ARHGAP27: variants seen among roughly 807,000 people sequenced by gnomAD.
ARHGAP27 encodes Rho GTPase activating protein 27.
Under a neutral mutation model 102.0 loss-of-function variants are expected in ARHGAP27, and 53 were observed. The observed-to-expected ratio is 0.52, with a 90% CI of 0.42 to 0.65. The LOEUF is 0.65. Ranked by LOEUF, ARHGAP27 falls within the 30% of genes least tolerant of loss-of-function variation. The pLI, the probability that ARHGAP27 is intolerant of heterozygous loss-of-function variation, is 0.00. For synonymous variants in ARHGAP27, 525 were observed against 542.8 expected (o/e 0.97, Z 0.46); for missense variants, 1,117 against 1,256.2 (o/e 0.89, Z 1.68).
rs2045478892 is a variant in ARHGAP27, at chr17:45,395,442, T to C, written c.*14A>G. 1 of 1,550,014 alleles carries C rather than the reference T, an allele frequency of 6.5e-7. No homozygotes were observed. The highest frequency in any genetic ancestry group is 1.2e-5 in the South Asian group (1 of 83,930). ...GGCAGGACCGCGGCCGCCGCCCCAGTCACAGGCCAGCAGTCAGTGCGGCGG... is the reference window on the plus strand; with the variant it reads ...GGCAGGACCGCGGCCGCCGCCCCAGCCACAGGCCAGCAGTCAGTGCGGCGG... On this transcript the variant is annotated 3_prime_UTR_variant, in exon 20 of 20. Transcript: ENST00000685559.
chr17:45,405,256 G>T, intron 5 of ARHGAP27, 150 bp from the exon 6 acceptor site: 1 of 853,282 alleles, frequency 1.2e-6, no homozygotes, highest in Non-Finnish European at 1.7e-6. Flanking sequence ...AGGTAGCTCC[G>T]CACCTCACCC....
At position 45,396,708 on chromosome 17, in the gene ARHGAP27, C is replaced by T. The variant is rs1297259327; in HGVS notation, c.2034G>A (p.Arg678=). 1 of 1,613,746 alleles carries T rather than the reference C, an allele frequency of 6.2e-7. No homozygotes were observed. Among genetic ancestry groups the T allele is most frequent in the African/African-American group, 1.3e-5 (1 of 74,912 alleles). Residue 678 remains arginine (R), a synonymous_variant, in exon 15 of 20, where the codon CGG becomes CGA. Transcript: ENST00000685559. ...TCTCCCGCAGCGACTGCAGTGTGGG[C>T]CGCCTCTGGAGGAACTTGCGGAGCT... The part of the protein sequence containing the change: ...RHKLRKFLQR[R]PTLQSLREKG...
At chr17:45,417,025 C>T (rs902396142) in intron 4 of ARHGAP27, among the ~76,000 whole-genome samples, 1 of 150,838 alleles carries the variant, frequency 6.6e-6, no homozygotes, top group Non-Finnish European at 1.5e-5. Flanking sequence ...GGCATGGTGG[C>T]CCATGCTTGT....
In ARHGAP27 at chr17:45,395,769, G is replaced by T. The variant is rs751052810; in HGVS notation, c.2467C>A (p.Arg823=). The T allele has an allele frequency of 2.5e-6, 4 of 1,601,734 alleles. No homozygotes were observed. The highest frequency in any genetic ancestry group is 1.7e-6 in the Non-Finnish European group (2 of 1,176,898). ...SLPAPNHDTL[R]MLFQHLCRVI... is the part of the protein sequence containing the mutation. ...CGGCAGAGGTGCTGGAAGAGCATCC[G>T]CAGAGTGTCGTGGTTGGGAGCGGGC... The change falls in exon 19 of 20, where the codon CGG becomes AGG. Residue 823 remains arginine, a synonymous_variant. Coordinates refer to ENST00000685559, the MANE Select transcript of ARHGAP27 (RefSeq NM_001282290.2).
rs1487898197 is a variant in ARHGAP27, at chr17:45,394,712, G to C, written c.*744C>G. ...TGAGCAAGTCACACTGCTGCTGCAG[G>C]CCTCAGCGTCCTTGTCTGTAAAATG... On this transcript the variant is annotated 3_prime_UTR_variant, in exon 20 of 20. Transcript: ENST00000685559. 1 of 152,330 alleles carries C rather than the reference G, an allele frequency of 6.6e-6. No individual in the cohort carries two copies. The highest frequency in any genetic ancestry group is 1.5e-5 in the Non-Finnish European group (1 of 68,106). The allele number at this position is 152,330 out of a possible 1,614,324, so 9.4% of individuals were successfully genotyped here.
chr17:45,395,477 C>A lies in ARHGAP27; in HGVS notation c.2649G>T (p.Ala883=), dbSNP rs760325969. 4.5e-6 allele frequency: 7 copies of A among 1,568,008 alleles called. No homozygotes were observed. The South Asian group carries it at 5.8e-5, about 13-fold the overall frequency. ...QVVELILQQC[A]DIFPPH is the part of the protein sequence containing the mutation. ...GCAGTCAGTGCGGCGGGAAGATGTC[C>A]GCGCACTGCTGCAGGATGAGCTCCA... The change falls in exon 20 of 20, where the codon GCG becomes GCT. Residue 883 remains alanine, a synonymous_variant. Transcript: ENST00000685559.
At chr17:45,410,280 G>A (rs2047754727) in intron 4 of ARHGAP27, 8 of 1,532,588 alleles carry the variant, frequency 5.2e-6, no homozygotes, top group Admixed American at 2.0e-5. Flanking sequence ...TGGCGATTAT[G>A]TCCACCATCC....
intron 4 of ARHGAP27, chr17:45,407,532 T>TTTG (rs2047354352): frequency 6.6e-6 from 1 of 151,248 alleles, no homozygotes; most frequent in Admixed American, 6.6e-5. Context: ...TTTTTTTTTT[T>TTTG]GAGATGGAGT....
intron 4 of ARHGAP27, among the ~76,000 whole-genome samples, chr17:45,418,492 T>A (rs903402884): frequency 6.6e-6 from 1 of 152,040 alleles, no homozygotes; most frequent in African/African-American, 2.4e-5. Flanking sequence ...AAAAAAAAGT[T>A]GTTCATTATT....
intron 4 of ARHGAP27, among the ~76,000 whole-genome samples, chr17:45,417,746 T>G (rs2048609030): frequency 6.9e-6 from 1 of 145,418 alleles, no homozygotes; most frequent in Non-Finnish European, 1.5e-5. Context: ...AGAGCAAGAT[T>G]CTGTCTCAAA....
Position 45,393,980 on chromosome 17 carries a change from T to C in ARHGAP27, c.*1476A>G, listed in dbSNP as rs1206624962. The C allele has an allele frequency of 6.6e-6, 1 of 152,654 alleles. No homozygotes were observed. Among genetic ancestry groups the C allele is most frequent in the East Asian group, 1.9e-4 (1 of 5,202 alleles). 9.5% of individuals were successfully genotyped at this position (152,654 alleles called of 1,614,324 possible). ...AACTTTTAAATATTTAGACATATGG[T>C]ATGAGGCCCCTGTGTGTACTCTTGC... On this transcript the variant is annotated 3_prime_UTR_variant, in exon 20 of 20. Transcript: ENST00000685559.
intron 12 of ARHGAP27, among the ~76,000 whole-genome samples, chr17:45,398,900 GA>G (rs1447484564): frequency 6.6e-6 from 1 of 152,126 alleles, no homozygotes; most frequent in Non-Finnish European, 1.5e-5. Context: ...TGAGGACTCA[GA>G]AACGTTGTCC....
intron 4 of ARHGAP27, among the ~76,000 whole-genome samples, chr17:45,425,161 G>C (rs557405505): frequency 1.3e-5 from 2 of 152,114 alleles, no homozygotes; most frequent in South Asian, 2.1e-4. Context: ...GTGAGTCACC[G>C]GGAGGGAACT....
intron 6 of ARHGAP27, 76 bp downstream of exon 6, chr17:45,404,841 AGAGCACT>A: frequency 6.3e-7 from 1 of 1,593,672 alleles, no homozygotes; most frequent in Non-Finnish European, 8.6e-7. Flanking sequence ...GCTGCGGTTT[AGAGCACT>A]GAGGCGACCT....
At chr17:45,406,123 C>G in intron 4 of ARHGAP27, 40 bp from the exon 5 acceptor site, 3 of 1,479,322 alleles carry the variant, frequency 2.0e-6, no homozygotes, top group Non-Finnish European at 2.7e-6. Flanking sequence ...TTTTCAGAAA[C>G]CTTCCAAAAT....
At position 45,395,373 on chromosome 17, in the gene ARHGAP27, G is replaced by C; in HGVS notation, c.*83C>G. On this transcript the variant is annotated 3_prime_UTR_variant, in exon 20 of 20. Coordinates refer to ENST00000685559, the MANE Select transcript of ARHGAP27 (RefSeq NM_001282290.2). ...CTATGCGCTGGCGGAGGGTCCCAGAGAGAAGAAGGCCCGGCTGCGTGGCCT... is the reference window on the plus strand; with the variant it reads ...CTATGCGCTGGCGGAGGGTCCCAGACAGAAGAAGGCCCGGCTGCGTGGCCT... 6 of 1,464,208 alleles carry C rather than the reference G, an allele frequency of 4.1e-6. No homozygotes were observed. The highest frequency in any genetic ancestry group is 5.5e-6 in the Non-Finnish European group (6 of 1,093,522). 90.7% of individuals were successfully genotyped at this position (1,464,208 alleles called of 1,614,324 possible).
intron 4 of ARHGAP27, chr17:45,409,742 C>A: frequency 6.3e-6 from 1 of 159,082 alleles, no homozygotes; most frequent in South Asian, 1.6e-4. Flanking sequence ...GGTGCAGTCA[C>A]GCCCTCCACA....
rs554028916 is a variant in ARHGAP27 at position 45,428,730 on chromosome 17, G to A, written c.657+893C>T. 1.5e-3 allele frequency among the ~76,000 whole-genome samples: 230 copies of A among 152,252 alleles called. 1 individual carries two copies. The highest frequency in any genetic ancestry group is 5.4e-3 in the African/African-American group (224 of 41,546). On this transcript the variant is annotated intron_variant, in intron 4 of 19. Coordinates refer to ENST00000685559, the MANE Select transcript of ARHGAP27 (RefSeq NM_001282290.2). ...CCCTTTGGGCTAAAGAACAAACCGA[G>A]ACCCTAAGAGAGGAAAAGAACTGCC...
At chr17:45,424,991 G>A (rs1324536212) in intron 4 of ARHGAP27, among the ~76,000 whole-genome samples, 1 of 150,014 alleles carries the variant, frequency 6.7e-6, no homozygotes, top group Non-Finnish European at 1.5e-5. Flanking sequence ...AAGAGATCAT[G>A]GGGCCTGCAG....
Sources: gnomAD v4.1 joint callset for allele counts (sites outside exome capture counted in the v4.1 genomes callset) on GRCh38, gnomAD v4.1.1 for gene constraint, MANE v1.5 for transcripts, NCBI Gene and HGNC (gene_info 2026-07-23, HGNC 2026-07-21) for gene names.